The following HERC1 variants were observed in gnomAD, a reference collection of about 807,000 sequenced individuals.
The protein encoded by HERC1 is probable E3 ubiquitin-protein ligase HERC1.
A neutral mutation model predicts 554.3 loss-of-function variants in HERC1; 160 were observed. That is an observed-to-expected ratio of 0.29 (90% CI 0.25 to 0.33). The LOEUF is 0.33. Among genes scored for constraint, HERC1 ranks in the 10% least tolerant of loss-of-function variants. HERC1 has a pLI of 1.00. For missense variants in HERC1, 4,919 were observed against 5,918.5 expected (o/e 0.83, Z 5.54); for synonymous variants, 2,175 against 2,131.7 (o/e 1.02, Z -0.56).
At chr15:63,642,570 T>G (rs1203361228) in intron 59 of HERC1, among the ~76,000 whole-genome samples, 1 of 152,192 alleles carries the variant, frequency 6.6e-6, no homozygotes, top group East Asian at 1.9e-4. Flanking sequence ...ACTCAGGACC[T>G]TGAGCAATCT....
In HERC1 at chr15:63,674,567, T is replaced by C; in HGVS notation, c.7621A>G (p.Asn2541Asp). The change falls in exon 38 of 78, where the codon AAT becomes GAT. Residue 2541 changes from asparagine to aspartate, a missense_variant. By Grantham distance (23) the Asn-to-Asp change is conservative (BLOSUM62 1). This residue lies in a region of HERC1 where 1,963 missense variants were observed against 2,228.6 expected (regional missense o/e 0.88). Transcript: ENST00000443617. ...LLLIPKVLAE[N>D]GHNSDCASSP... Reference sequence around the variant, plus strand: ...CTTGCACAGTCTGAGTTGTGGCCATTTTCAGCCAGAACTTTTGGTATCAGC... The same window carrying C: ...CTTGCACAGTCTGAGTTGTGGCCATCTTCAGCCAGAACTTTTGGTATCAGC... 6.2e-7 allele frequency: 1 copy of C among 1,612,556 alleles called. No individual in the cohort carries two copies. The highest frequency in any genetic ancestry group is 1.7e-5 in the Admixed American group (1 of 59,736).
chr15:63,708,416 GC>G (rs2073125536), intron 24 of HERC1, among the ~76,000 whole-genome samples: 1 of 152,118 alleles, frequency 6.6e-6, no homozygotes. Context: ...TCCTCTCTCA[GC>G]CTTTTTCAGT....
intron 14 of HERC1, among the ~76,000 whole-genome samples, chr15:63,730,178 G>T (rs539484151): frequency 6.6e-6 from 1 of 151,164 alleles, no homozygotes; most frequent in South Asian, 2.1e-4. Context: ...AAAGCAGCTG[G>T]GTGCGGTAGC....
At position 63,765,859 on chromosome 15, in the gene HERC1, CTTTAT is replaced by C. The variant is rs530655515; in HGVS notation, c.931-1673_931-1669del. On this transcript the variant is annotated intron_variant, in intron 2 of 77. Transcript: ENST00000443617. ...ATGTCCTTAACCTTGGCAAAATAAACTTTATTTTATTTTTTTGAGACTGTTTCGCT... is the reference window on the plus strand; with the variant it reads ...ATGTCCTTAACCTTGGCAAAATAAACTTTATTTTTTTGAGACTGTTTCGCT... 1.1e-3 allele frequency among the ~76,000 whole-genome samples: 166 copies of C among 152,268 alleles called. 1 individual carries two copies. Among genetic ancestry groups the C allele is most frequent in the African/African-American group, 3.7e-3 (152 of 41,552 alleles).
rs762435271 is a variant in HERC1 at position 63,694,543 on chromosome 15, T to C, written c.5249A>G (p.Gln1750Arg). The C allele has an allele frequency of 1.2e-6, 2 of 1,613,646 alleles. No homozygotes were observed. Among genetic ancestry groups the C allele is most frequent in the South Asian group, 2.2e-5 (2 of 91,088 alleles). Residue 1750 changes from glutamine (Q) to arginine (R), a missense_variant, in exon 29 of 78, where the codon CAG (glutamine) becomes CGG (arginine). Physicochemically the swap from Gln to Arg is conservative, Grantham distance 43. Coordinates refer to ENST00000443617, the MANE Select transcript of HERC1 (RefSeq NM_003922.4). This position sits in a 1 kb window ranked among gnomAD's most constrained non-coding sequence, Gnocchi z 4.3. ...LQANKHHIEA[Q>R]QRLLLVTVFA... ...AACTGTAACCAGAAGCAGACGTTGC[T>C]GGGCTTCTAAAAGACAAAGAGACAG...
intron 19 of HERC1, 86 bp downstream of exon 19, chr15:63,723,096 T>A (rs908897622): frequency 1.2e-6 from 1 of 808,618 alleles, no homozygotes; most frequent in Non-Finnish European, 1.7e-6. Context: ...GTGATCCCTA[T>A]AATTTTCACT....
Position 63,638,449 on chromosome 15 carries a change from C to T in HERC1, c.12055G>A (p.Val4019Ile). 1 of 1,613,820 alleles carries T rather than the reference C, an allele frequency of 6.2e-7. No homozygotes were observed. The highest frequency in any genetic ancestry group is 8.5e-7 in the Non-Finnish European group (1 of 1,179,772). The change falls in exon 63 of 78, where the codon GTA becomes ATA. Residue 4019 changes from valine to isoleucine, a missense_variant. This residue lies in a region of HERC1 where 122 missense variants were observed against 195.2 expected (regional missense o/e 0.63). Transcript: ENST00000443617. The stretch of plus-strand genomic sequence containing the variant: ...GAGAATGAGGGAGCTGCTGCAGGTA[C>T]CATTACATTTCTTCCAGCTTCTGCC... The part of the protein sequence containing the change: ...QLAEAGRNVM[V>I]PAAAPSFSQA...
intron 1 of HERC1, among the ~76,000 whole-genome samples, chr15:63,798,320 C>T (rs1454694224): frequency 6.6e-6 from 1 of 152,150 alleles, no homozygotes; most frequent in Non-Finnish European, 1.5e-5. Context: ...CAGTGCTTAA[C>T]CAGTTAAAGA....
chr15:63,677,821 A>C lies in HERC1; in HGVS notation c.7070+24T>G, dbSNP rs376338296. On this transcript the variant is annotated intron_variant, in intron 37 of 77. Coordinates refer to ENST00000443617, the MANE Select transcript of HERC1 (RefSeq NM_003922.4). This position sits in a 1 kb window ranked among gnomAD's most constrained non-coding sequence, Gnocchi z 4.4. ...TTCACCATTAAATATTTGTTTGCTA[A>C]AAGTGTAACTCAACAGATCATACCT... 2 of 1,590,966 alleles carry C rather than the reference A, an allele frequency of 1.3e-6. No homozygotes were observed. Among genetic ancestry groups the C allele is most frequent in the Non-Finnish European group, 1.7e-6 (2 of 1,165,660 alleles).
chr15:63,678,936 C>T (rs1426502501), intron 36 of HERC1, among the ~76,000 whole-genome samples: 2 of 152,090 alleles, frequency 1.3e-5, no homozygotes, highest in African/African-American at 4.8e-5. Flanking sequence ...CATCTGTCTC[C>T]TACAGTTATT....
intron 1 of HERC1, among the ~76,000 whole-genome samples, chr15:63,780,715 C>T (rs1174352142): frequency 6.6e-6 from 1 of 151,332 alleles, no homozygotes; most frequent in Non-Finnish European, 1.5e-5. Flanking sequence ...CAATGAGACT[C>T]CGTTTCAAAA....
At chr15:63,793,559 T>C (rs765821924) in intron 1 of HERC1, among the ~76,000 whole-genome samples, 1 of 152,226 alleles carries the variant, frequency 6.6e-6, no homozygotes, top group Admixed American at 6.5e-5. Context: ...TTGTTTAGTA[T>C]ATAATCAAGA....
chr15:63,695,960 A>G (rs2072388068), intron 27 of HERC1, among the ~76,000 whole-genome samples, 164 bp downstream of exon 27: 1 of 152,220 alleles, frequency 6.6e-6, no homozygotes, highest in African/African-American at 2.4e-5. Flanking sequence ...AGCTCACCTA[A>G]TCTCTACTGC....
chr15:63,683,980 G>C (rs2071613448), intron 34 of HERC1, among the ~76,000 whole-genome samples: 1 of 152,198 alleles, frequency 6.6e-6, no homozygotes, highest in African/African-American at 2.4e-5. Context: ...CAAGCTGAAT[G>C]AACAAAACTC....
At chr15:63,822,935 T>C (rs776625750) in intron 1 of HERC1, among the ~76,000 whole-genome samples, 7 of 152,234 alleles carry the variant, frequency 4.6e-5, no homozygotes, top group Non-Finnish European at 1.0e-4. Flanking sequence ...ACTAGTTGAA[T>C]GGTCCTGCCA....
chr15:63,808,277 A>G (rs533930720), intron 1 of HERC1, among the ~76,000 whole-genome samples: 15 of 152,212 alleles, frequency 9.9e-5, no homozygotes, highest in African/African-American at 3.6e-4. Context: ...TCTTTTTTAG[A>G]ACATCAACGT....
Position 63,757,055 on chromosome 15 carries a change from TAA to T in HERC1, c.1222-309_1222-308del, listed in dbSNP as rs550035097. Among the ~76,000 whole-genome samples the T allele has an allele frequency of 1.2e-3, 183 of 152,092 alleles. 1 individual carries two copies. The highest frequency in any genetic ancestry group is 4.3e-3 in the African/African-American group (180 of 41,498). The stretch of plus-strand genomic sequence containing the variant: ...TCTTATAACTGAGAATGGCAAGACA[TAA>T]AGTTTTCCTTCCTATAAATTCCTTA... On this transcript the variant is annotated intron_variant, in intron 4 of 77. Coordinates refer to ENST00000443617, the MANE Select transcript of HERC1 (RefSeq NM_003922.4).
At chr15:63,805,427 G>C (rs1007049143) in intron 1 of HERC1, among the ~76,000 whole-genome samples, 1 of 152,156 alleles carries the variant, frequency 6.6e-6, no homozygotes, top group Non-Finnish European at 1.5e-5. Context: ...TGAAATTCTA[G>C]AGTAAAAACC....
intron 12 of HERC1, among the ~76,000 whole-genome samples, chr15:63,744,164 GTCTCTCTC>G (rs71464534): frequency 3.4e-3 from 155 of 46,258 alleles, no homozygotes; most frequent in African/African-American, 8.1e-3. Flanking sequence ...GTGTGTGTGT[GTCTCTCTC>G]TCTCTCTCTC....
Sources: gnomAD v4.1 joint callset for allele counts (sites outside exome capture counted in the v4.1 genomes callset) on GRCh38, gnomAD v4.1.1 for gene constraint, gnomAD v4.1.1 regional missense constraint, Gnocchi (gnomAD v3.1) non-coding constraint, MANE v1.5 for transcripts, NCBI Gene and HGNC (gene_info 2026-07-23, HGNC 2026-07-21) for gene names.